GNG2: variants seen among roughly 807,000 people sequenced by gnomAD.
GNG2 encodes the protein guanine nucleotide-binding protein G(I)/G(S)/G(O) subunit gamma-2.
GNG2 carries 5 observed loss-of-function variants against 5.5 expected under a neutral mutation model. The observed-to-expected ratio is 0.91, with a 90% CI of 0.48 to 1.92. The LOEUF is 1.92. Ranked by LOEUF, GNG2 falls within the 30% of genes most tolerant of loss-of-function variation. The pLI is 0.01. For missense variants in GNG2, 55 were observed against 88.4 expected (o/e 0.62, Z 1.52); for synonymous variants, 28 against 32.0 (o/e 0.88, Z 0.42).
chr14:51,865,349 T>A (rs1280796818), intron 1 of GNG2, among the ~76,000 whole-genome samples: 1 of 152,122 alleles, frequency 6.6e-6, no homozygotes, highest in African/African-American at 2.4e-5. Flanking sequence ...TCCAAGATGA[T>A]GACTATGTTA....
chr14:51,926,919 C>A (rs1168345094), intron 2 of GNG2, among the ~76,000 whole-genome samples: 1 of 152,184 alleles, frequency 6.6e-6, no homozygotes, highest in Non-Finnish European at 1.5e-5. Context: ...TCGCCATTAG[C>A]AGTTCCATTT....
At chr14:51,903,935 A>G (rs904193691) in intron 2 of GNG2, among the ~76,000 whole-genome samples, 5 of 152,238 alleles carry the variant, frequency 3.3e-5, no homozygotes, top group African/African-American at 1.2e-4. Flanking sequence ...AGCTGTATCC[A>G]CCATGGGCAT....
chr14:51,942,589 C>CTTTCTTTCTTTCTTTTTTTTTTTTT (rs761049973), intron 2 of GNG2, among the ~76,000 whole-genome samples: 1 of 81,128 alleles, frequency 1.2e-5, no homozygotes, highest in Non-Finnish European at 2.3e-5. Flanking sequence ...TTCTTTCTTT[C>CTTTCTTTCTTTCTTTTTTTTTTTTT]TTTTTTTTTT....
chr14:51,861,287 T>C (rs150668755), intron 1 of GNG2: 1 of 152,342 alleles, frequency 6.6e-6, no homozygotes, highest in East Asian at 1.9e-4. Flanking sequence ...AAGGCTTGAA[T>C]TGCGTATGTG....
Position 51,878,679 on chromosome 14 carries a change from T to C in GNG2, c.-30+1022T>C, listed in dbSNP as rs192242014. On this transcript the variant is annotated intron_variant, in intron 2 of 3. Coordinates refer to ENST00000556766, the MANE Select transcript of GNG2 (RefSeq NM_053064.5). ...AAGAGGATCGATTTTCCTCAACTCA[T>C]ATTTATAAGGTCTGCAAATTTGGAC... 8.5e-5 allele frequency among the ~76,000 whole-genome samples: 13 copies of C among 152,280 alleles called. No individual in the cohort carries two copies. In the East Asian group the frequency reaches 2.5e-3, roughly 29 times the overall value.
chr14:51,871,181 G>A (rs1356688648), intron 1 of GNG2, among the ~76,000 whole-genome samples: 3 of 151,800 alleles, frequency 2.0e-5, no homozygotes, highest in East Asian at 3.9e-4. Context: ...CATGAATGAC[G>A]GTTGTGTTTA....
chr14:51,884,969 G>A (rs1566663880), intron 2 of GNG2, among the ~76,000 whole-genome samples: 1 of 152,168 alleles, frequency 6.6e-6, no homozygotes, highest in African/African-American at 2.4e-5. Flanking sequence ...AAGGCAGTAA[G>A]AATCATGGAA....
intron 2 of GNG2, among the ~76,000 whole-genome samples, chr14:51,838,717 A>G (rs1014625286): frequency 5.3e-5 from 8 of 152,206 alleles, no homozygotes; most frequent in African/African-American, 1.9e-4. Context: ...AGAGAACTCT[A>G]GCTAATACAG....
At chr14:51,868,058 A>G (rs1264146298) in intron 1 of GNG2, among the ~76,000 whole-genome samples, 1 of 152,218 alleles carries the variant, frequency 6.6e-6, no homozygotes, top group East Asian at 1.9e-4. Flanking sequence ...TGGGCTAGAC[A>G]TAGTACTTGT....
chr14:51,949,078 G>A (rs72678150), intron 2 of GNG2, among the ~76,000 whole-genome samples: 52,087 of 148,948 alleles, frequency 0.35, 9,569 homozygotes, highest in Middle Eastern at 0.43. Context: ...CCGAGATCGC[G>A]CCACTGCACT....
At chr14:51,948,218 G>C (rs1466190404) in intron 2 of GNG2, among the ~76,000 whole-genome samples, 1 of 152,188 alleles carries the variant, frequency 6.6e-6, no homozygotes, top group African/African-American at 2.4e-5. Flanking sequence ...AATACACCTA[G>C]CTAAAATTCA....
Position 51,845,327 on chromosome 14 carries a change from CA to C in GNG2, c.64+17527del, listed in dbSNP as rs1158571683. On this transcript the variant is annotated intron_variant, in intron 2 of 3. Transcript: ENST00000553432. ...GCAACACGGCGAAGCCCTATATCTA[CA>C]AAAAAATACCAAAATTAGTCAGGCA... 3.9e-5 allele frequency among the ~76,000 whole-genome samples: 6 copies of C among 152,162 alleles called. No homozygotes were observed. In the East Asian group the frequency reaches 1.2e-3, roughly 29 times the overall value.
chr14:51,856,924 AT>A (rs1483849201), upstream of GNG2, among the ~76,000 whole-genome samples: 18 of 152,094 alleles, frequency 1.2e-4, no homozygotes, highest in East Asian at 3.1e-3. Flanking sequence ...AGAGGGAGGG[AT>A]TTTATTTCTT....
chr14:51,827,916 G>A (rs1488764553), intron 2 of GNG2: 1 of 601,292 alleles, frequency 1.7e-6, no homozygotes, highest in Non-Finnish European at 2.9e-6. Flanking sequence ...GAGAGAGTCT[G>A]AGAGTGGGAG....
intron 2 of GNG2, among the ~76,000 whole-genome samples, chr14:51,909,959 A>G (rs540345079): frequency 6.6e-6 from 1 of 152,336 alleles, no homozygotes; most frequent in Non-Finnish European, 1.5e-5. Context: ...TTGAGAGACC[A>G]GGACTCTGAA....
Position 51,889,109 on chromosome 14 carries a change from C to CCT in GNG2, c.-30+11452_-30+11453insCT, listed in dbSNP as rs1445313036. ...GACTGCTAATGGGTATGGGTTTGCG[C>CCT]TTTTTTTTTTTTTTTTTTTTTGAGA... On this transcript the variant is annotated intron_variant, in intron 2 of 3. Coordinates refer to ENST00000556766, the MANE Select transcript of GNG2 (RefSeq NM_053064.5). Among the ~76,000 whole-genome samples, 77 of 118,920 alleles carry CCT rather than the reference C, an allele frequency of 6.5e-4. 13 individuals are homozygous for CCT. The highest frequency in any genetic ancestry group is 4.4e-3 in the Middle Eastern group (1 of 228). 78.0% of individuals were successfully genotyped at this position (118,920 alleles called of 152,430 possible).
chr14:51,849,764 A>G (rs1324572190), intron 2 of GNG2, among the ~76,000 whole-genome samples: 1 of 151,746 alleles, frequency 6.6e-6, no homozygotes, highest in Non-Finnish European at 1.5e-5. Flanking sequence ...TTGTATATTC[A>G]AATGTATAAA....
intron 2 of GNG2, among the ~76,000 whole-genome samples, chr14:51,895,272 C>T (rs1001104476): frequency 2.0e-5 from 3 of 151,990 alleles, no homozygotes; most frequent in African/African-American, 4.8e-5. Context: ...ATAAATAATG[C>T]CAGGCCAAAA....
intron 2 of GNG2, among the ~76,000 whole-genome samples, chr14:51,829,058 A>G (rs1881110572): frequency 6.6e-6 from 1 of 152,234 alleles, no homozygotes; most frequent in South Asian, 2.1e-4. Flanking sequence ...ATATTTAACA[A>G]GTGAGCAAAG....
Sources: allele counts gnomAD v4.1 joint callset (sites outside exome capture counted in the v4.1 genomes callset), GRCh38; gene constraint gnomAD v4.1.1; transcripts MANE v1.5; gene names NCBI Gene and HGNC (gene_info 2026-07-23, HGNC 2026-07-21).